The following GALNTL6 variants were observed in gnomAD, a reference collection of about 807,000 sequenced individuals.
GALNTL6 encodes polypeptide N-acetylgalactosaminyltransferase like 6, also known as polypeptide N-acetylgalactosaminyltransferase-like 6.
GALNTL6 carries 46 observed loss-of-function variants against 73.7 expected under a neutral mutation model. The observed-to-expected ratio is 0.62, with a 90% CI of 0.49 to 0.80. The LOEUF (loss-of-function observed/expected upper bound fraction) is 0.80. Ranked by LOEUF, GALNTL6 falls within the 30% of genes least tolerant of loss-of-function variation. The pLI is 0.00. For synonymous variants in GALNTL6, 259 were observed against 263.7 expected (o/e 0.98, Z 0.17); for missense variants, 604 against 755.0 (o/e 0.80, Z 2.34).
chr4:172,034,446 G>C (rs1741874006), intron 2 of GALNTL6, among the ~76,000 whole-genome samples: 1 of 137,722 alleles, frequency 7.3e-6, no homozygotes, highest in Admixed American at 7.6e-5. Context: ...GTGTGTGTGT[G>C]TGTGTAGTTT....
chr4:172,029,325 C>T (rs1338202523), intron 2 of GALNTL6, among the ~76,000 whole-genome samples: 1 of 151,906 alleles, frequency 6.6e-6, no homozygotes, highest in Non-Finnish European at 1.5e-5. Flanking sequence ...TATGTGATTA[C>T]ATGTTAAAAC....
Position 172,814,115 on chromosome 4 carries a change from T to TA in GALNTL6, c.923+396dup, listed in dbSNP as rs1206314466. On this transcript the variant is annotated intron_variant, in intron 7 of 12. Transcript: ENST00000506823. ...GTTTTTCTTTTATTAGAAATTGATA[T>TA]AAAATATGAACCAGTGTTTAAGCCT... Among the ~76,000 whole-genome samples the TA allele has an allele frequency of 2.0e-5, 3 of 152,196 alleles. No homozygotes were observed. In the East Asian group the frequency reaches 5.8e-4, roughly 29 times the overall value.
chr4:172,342,729 TAAAGA>T (rs1334290750), intron 4 of GALNTL6, among the ~76,000 whole-genome samples: 2 of 152,208 alleles, frequency 1.3e-5, no homozygotes, highest in African/African-American at 4.8e-5. Flanking sequence ...TGTTTTGTTC[TAAAGA>T]AGGCAGAAGA....
chr4:171,872,064 C>CT (rs148367682), intron 2 of GALNTL6, among the ~76,000 whole-genome samples: 78 of 148,344 alleles, frequency 5.3e-4, no homozygotes, highest in Middle Eastern at 3.5e-3. Context: ...TGTTTAGATG[C>CT]TTTTTTTTTT....
intron 5 of GALNTL6, among the ~76,000 whole-genome samples, chr4:172,687,553 G>C (rs1037943332): frequency 6.6e-6 from 1 of 151,010 alleles, no homozygotes; most frequent in Non-Finnish European, 1.5e-5. Context: ...GCTTGAACCC[G>C]GGAGGCAGAG....
At chr4:172,856,990 C>T (rs1425637537) in intron 7 of GALNTL6, among the ~76,000 whole-genome samples, 1 of 152,192 alleles carries the variant, frequency 6.6e-6, no homozygotes, top group East Asian at 1.9e-4. Flanking sequence ...CTTTGGGCCA[C>T]ACATCTGCCT....
chr4:172,297,258 G>C (rs552598908), intron 3 of GALNTL6, among the ~76,000 whole-genome samples: 2 of 152,138 alleles, frequency 1.3e-5, no homozygotes, highest in African/African-American at 2.4e-5. Context: ...GATATTAGCC[G>C]TTTGTCAGAT....
At chr4:171,915,895 A>T (rs1319003632) in intron 2 of GALNTL6, among the ~76,000 whole-genome samples, 1 of 152,110 alleles carries the variant, frequency 6.6e-6, no homozygotes, top group African/African-American at 2.4e-5. Flanking sequence ...AAACACCTTA[A>T]TTCTCGAAAC....
intron 2 of GALNTL6, among the ~76,000 whole-genome samples, chr4:172,042,360 T>C (rs1399294139): frequency 6.6e-6 from 1 of 152,074 alleles, no homozygotes; most frequent in African/African-American, 2.4e-5. Context: ...GTTTCTAAAC[T>C]GTATATGGCA....
chr4:172,466,932 A>G (rs1319192782), intron 5 of GALNTL6, among the ~76,000 whole-genome samples: 1 of 152,214 alleles, frequency 6.6e-6, no homozygotes, highest in Non-Finnish European at 1.5e-5. Flanking sequence ...TTTGCTGCAC[A>G]GTGCACAAGT....
At chr4:172,469,836 T>C (rs1027026622) in intron 5 of GALNTL6, among the ~76,000 whole-genome samples, 1 of 152,218 alleles carries the variant, frequency 6.6e-6, no homozygotes, top group Non-Finnish European at 1.5e-5. Flanking sequence ...ATCCTGATTT[T>C]ACATTGTACA....
At chr4:172,519,366 A>G (rs1230502463) in intron 5 of GALNTL6, among the ~76,000 whole-genome samples, 1 of 151,396 alleles carries the variant, frequency 6.6e-6, no homozygotes. Context: ...ACAAAGTCCC[A>G]TGTAACTAAC....
chr4:171,961,670 T>C (rs1739224762), intron 2 of GALNTL6, among the ~76,000 whole-genome samples: 1 of 152,184 alleles, frequency 6.6e-6, no homozygotes. Flanking sequence ...GTTTCATCAG[T>C]TGTTTTTGAG....
intron 5 of GALNTL6, among the ~76,000 whole-genome samples, chr4:172,540,687 G>C (rs1446534172): frequency 3.3e-5 from 5 of 152,182 alleles, no homozygotes; most frequent in Non-Finnish European, 5.9e-5. Context: ...GCCACATCTG[G>C]AACTGGACAC....
intron 2 of GALNTL6, among the ~76,000 whole-genome samples, chr4:171,968,581 A>G (rs1009156807): frequency 2.3e-4 from 35 of 152,160 alleles, no homozygotes; most frequent in African/African-American, 8.2e-4. Flanking sequence ...CTATTTCCAA[A>G]TAAGGTTACA....
At chr4:171,917,781 GATGTAGAAA>G in intron 2 of GALNTL6, among the ~76,000 whole-genome samples, 1 of 152,114 alleles carries the variant, frequency 6.6e-6, no homozygotes, top group South Asian at 2.1e-4. Context: ...TATACACTTA[GATGTAGAAA>G]CAACCAATAC....
At chr4:172,157,608 A>C (rs937151331) in intron 2 of GALNTL6, among the ~76,000 whole-genome samples, 8 of 152,190 alleles carry the variant, frequency 5.3e-5, no homozygotes. Flanking sequence ...AATCAATTGC[A>C]GAGAGTATGT....
chr4:172,032,060 A>G (rs1741787456), intron 2 of GALNTL6, among the ~76,000 whole-genome samples: 2 of 152,094 alleles, frequency 1.3e-5, no homozygotes, highest in Admixed American at 6.6e-5. Flanking sequence ...TGTCACAAAA[A>G]CCAGTAAAGG....
At chr4:172,198,562 C>T (rs1735852771) in intron 2 of GALNTL6, among the ~76,000 whole-genome samples, 1 of 152,078 alleles carries the variant, frequency 6.6e-6, no homozygotes, top group African/African-American at 2.4e-5. Context: ...AATGAGATAC[C>T]ACCAGTGGTT....
Sources: gnomAD v4.1 joint callset for allele counts (sites outside exome capture counted in the v4.1 genomes callset) on GRCh38, gnomAD v4.1.1 for gene constraint, MANE v1.5 for transcripts, NCBI Gene and HGNC (gene_info 2026-07-23, HGNC 2026-07-21) for gene names.